KSR2: variants seen among roughly 807,000 people sequenced by gnomAD.
KSR2 encodes kinase suppressor of ras 2.
In KSR2, 25 loss-of-function variants were observed where a neutral mutation model predicts 107.8. The ratio of observed to expected loss-of-function variants is 0.23; its 90% confidence interval spans 0.17 to 0.32. The LOEUF (loss-of-function observed/expected upper bound fraction) is 0.32, where lower values mean the gene tolerates loss of function less well. Among genes scored for constraint, KSR2 ranks in the 10% least tolerant of loss-of-function variants. KSR2 has a pLI of 1.00. For missense variants in KSR2, 887 were observed against 1,268.9 expected (o/e 0.70, Z 4.57); for synonymous variants, 480 against 507.0 (o/e 0.95, Z 0.71).
intron 4 of KSR2, among the ~76,000 whole-genome samples, chr12:117,757,244 A>T (rs978953378): frequency 5.3e-5 from 8 of 152,192 alleles, no homozygotes; most frequent in Non-Finnish European, 1.0e-4. Context: ...GATGCGGTGG[A>T]AACAGCAAGA....
Position 117,968,308 on chromosome 12 carries a change from G to A in KSR2, c.-53C>T, listed in dbSNP as rs1038409344. On this transcript the variant is annotated 5_prime_UTR_variant, in exon 1 of 20. Transcript: ENST00000339824. ...CTCCTCCTCCCAGAGAGAAAAAAGAGGGGGGGGAGTAGAGGTAGTCTACCC... is the reference window on the plus strand; with the variant it reads ...CTCCTCCTCCCAGAGAGAAAAAAGAAGGGGGGGAGTAGAGGTAGTCTACCC... 9 of 1,453,336 alleles carry A rather than the reference G, an allele frequency of 6.2e-6. No individual in the cohort carries two copies. Among genetic ancestry groups the A allele is most frequent in the African/African-American group, 1.4e-5 (1 of 69,310 alleles). The allele number at this position is 1,453,336 out of a possible 1,614,324, so 90.0% of individuals were successfully genotyped here.
intron 4 of KSR2, among the ~76,000 whole-genome samples, chr12:117,748,818 G>A (rs604248): frequency 0.28 from 42,087 of 151,870 alleles, 5,905 homozygotes; most frequent in East Asian, 0.41. Flanking sequence ...AGCAAGGTTT[G>A]GGGTCCTTGT....
At chr12:117,599,491 A>T (rs1023709707) in intron 5 of KSR2, among the ~76,000 whole-genome samples, 4 of 152,192 alleles carry the variant, frequency 2.6e-5, no homozygotes, top group African/African-American at 9.7e-5. Context: ...CTGAACTTGG[A>T]GATCCACTGA....
At chr12:117,658,540 A>G (rs985078815) in intron 5 of KSR2, among the ~76,000 whole-genome samples, 2 of 152,198 alleles carry the variant, frequency 1.3e-5, no homozygotes, top group African/African-American at 4.8e-5. Flanking sequence ...AGAGTTGAGT[A>G]GTTGTCACAG....
At chr12:117,509,468 G>T (rs1375740579) in intron 14 of KSR2, among the ~76,000 whole-genome samples, 2 of 152,184 alleles carry the variant, frequency 1.3e-5, no homozygotes, top group Non-Finnish European at 2.9e-5. Flanking sequence ...ACCAAACCCT[G>T]CAGAAGGAAG....
chr12:117,712,001 C>A (rs1037448403), intron 4 of KSR2, among the ~76,000 whole-genome samples: 3 of 152,176 alleles, frequency 2.0e-5, no homozygotes, highest in Non-Finnish European at 4.4e-5. Context: ...CCCATGGGGA[C>A]TGCCTGCATG....
intron 9 of KSR2, among the ~76,000 whole-genome samples, chr12:117,548,084 G>A (rs1209380039): frequency 6.6e-6 from 1 of 151,724 alleles, no homozygotes; most frequent in Non-Finnish European, 1.5e-5. Flanking sequence ...GTGACAGTGA[G>A]ACTCCATCTT....
intron 1 of KSR2, among the ~76,000 whole-genome samples, chr12:117,953,592 G>A (rs143669486): frequency 1.3e-5 from 2 of 152,270 alleles, no homozygotes; most frequent in African/African-American, 4.8e-5. Context: ...CTTACATGAG[G>A]TACCTAGAGT....
At chr12:117,661,255 G>C (rs1028690741) in intron 5 of KSR2, among the ~76,000 whole-genome samples, 1 of 137,976 alleles carries the variant, frequency 7.2e-6, no homozygotes. Flanking sequence ...CCTCAGATTC[G>C]ATCCTGTACC....
rs1870753165 is a variant in KSR2 at position 117,458,802 on chromosome 12, C to T, written c.*8397G>A. 6.6e-6 allele frequency: 1 copy of T among 152,182 alleles called. No homozygotes were observed. Among genetic ancestry groups the T allele is most frequent in the African/African-American group, 2.4e-5 (1 of 41,448 alleles). The allele number at this position is 152,182 out of a possible 1,614,324, so 9.4% of individuals were successfully genotyped here. ...CCTCAAGATCTTATCTGGGTGGAAA[C>T]TTGATTTTGAGCCTTCCATTCAGGG... is the stretch of plus-strand genomic sequence containing the variant. On this transcript the variant is annotated 3_prime_UTR_variant, in exon 20 of 20. Coordinates refer to ENST00000339824, the MANE Select transcript of KSR2 (RefSeq NM_173598.6).
Position 117,866,502 on chromosome 12 carries a change from T to C in KSR2, c.181-6071A>G, listed in dbSNP as rs147877132. 3.3e-3 allele frequency among the ~76,000 whole-genome samples: 497 copies of C among 152,350 alleles called. 4 individuals carry two copies. The highest frequency in any genetic ancestry group is 0.012 in the African/African-American group (486 of 41,580). On this transcript the variant is annotated intron_variant, in intron 1 of 19. Coordinates refer to ENST00000339824, the MANE Select transcript of KSR2 (RefSeq NM_173598.6). ...AGTTTTCCATTACAATAGTTACACA[T>C]GGCTTAATTTTTAAATACATGTATG... is the stretch of plus-strand genomic sequence containing the variant.
At chr12:117,511,598 A>C (rs1284685934) in intron 14 of KSR2, among the ~76,000 whole-genome samples, 2 of 152,216 alleles carry the variant, frequency 1.3e-5, no homozygotes, top group Non-Finnish European at 2.9e-5. Flanking sequence ...GTAAAACAGG[A>C]TAACGATTTT....
At chr12:117,882,017 T>A (rs1047590241) in intron 1 of KSR2, among the ~76,000 whole-genome samples, 4 of 152,190 alleles carry the variant, frequency 2.6e-5, no homozygotes, top group African/African-American at 9.7e-5. Flanking sequence ...TACATTTCCC[T>A]GAAATCTCAA....
At chr12:117,912,067 A>T (rs1221558410) in intron 1 of KSR2, among the ~76,000 whole-genome samples, 1 of 152,214 alleles carries the variant, frequency 6.6e-6, no homozygotes. Context: ...TTTGGCATTT[A>T]AAAAATTTTG....
chr12:117,962,480 T>C (rs1308946859), intron 1 of KSR2, among the ~76,000 whole-genome samples: 1 of 151,444 alleles, frequency 6.6e-6, no homozygotes, highest in Non-Finnish European at 1.5e-5. Flanking sequence ...AGTCTCCCTC[T>C]GTCACCCAGG....
intron 3 of KSR2, among the ~76,000 whole-genome samples, chr12:117,794,000 A>ACACTCACACCAACATG (rs778139813): frequency 9.3e-6 from 1 of 107,464 alleles, no homozygotes; most frequent in African/African-American, 4.3e-5. Flanking sequence ...ACCAACATGC[A>ACACTCACACCAACATG]CACACACCAA....
intron 1 of KSR2, among the ~76,000 whole-genome samples, chr12:117,935,687 G>A (rs563690832): frequency 3.9e-5 from 6 of 152,166 alleles, no homozygotes; most frequent in African/African-American, 1.4e-4. Context: ...CTTGAACAGG[G>A]AGGTGGAGAT....
At chr12:117,881,460 C>A (rs1174905578) in intron 1 of KSR2, among the ~76,000 whole-genome samples, 1 of 152,176 alleles carries the variant, frequency 6.6e-6, no homozygotes, top group Admixed American at 6.5e-5. Context: ...CACTATGTAA[C>A]CCTTGTTAGT....
intron 4 of KSR2, among the ~76,000 whole-genome samples, chr12:117,718,607 C>A (rs1887089116): frequency 6.6e-6 from 1 of 152,152 alleles, no homozygotes; most frequent in Non-Finnish European, 1.5e-5. Flanking sequence ...GAGGCTCGCA[C>A]ATGCCCAGCT....
Sources: allele counts gnomAD v4.1 joint callset (sites outside exome capture counted in the v4.1 genomes callset), GRCh38; gene constraint gnomAD v4.1.1; transcripts MANE v1.5; gene names NCBI Gene and HGNC (gene_info 2026-07-23, HGNC 2026-07-21).